NELL1: variants seen among roughly 807,000 people sequenced by gnomAD.
NELL1 encodes the protein neural EGFL like 1.
A neutral mutation model predicts 107.4 loss-of-function variants in NELL1; 76 were observed. The ratio of observed to expected loss-of-function variants is 0.71; its 90% CI spans 0.59 to 0.86. The LOEUF (loss-of-function observed/expected upper bound fraction) is 0.86, where lower values mean the gene tolerates loss of function less well. Ranked by LOEUF, NELL1 falls within the 40% of genes least tolerant of loss-of-function variation. The probability of loss-of-function intolerance (pLI) is 0.00; values close to 1 mark genes in which losing one functional copy is unlikely to be tolerated. For synonymous variants in NELL1, 353 were observed against 341.2 expected (o/e 1.03, Z -0.38); for missense variants, 1,024 against 1,005.5 (o/e 1.02, Z -0.25).
chr11:20,673,124 A>G (rs565877163), intron 1 of NELL1, among the ~76,000 whole-genome samples: 16 of 152,024 alleles, frequency 1.1e-4, no homozygotes, highest in Non-Finnish European at 2.1e-4. Context: ...GGCTTCCCAA[A>G]GTGCTGAGAT....
At chr11:21,474,121 C>T (rs1854259618) in intron 15 of NELL1, among the ~76,000 whole-genome samples, 2 of 151,992 alleles carry the variant, frequency 1.3e-5, no homozygotes, top group Non-Finnish European at 2.9e-5. Context: ...CCTCTGCTTG[C>T]TTTCCTCTTT....
intron 5 of NELL1, among the ~76,000 whole-genome samples, chr11:20,886,103 A>G (rs1267322405): frequency 1.3e-5 from 2 of 152,208 alleles, no homozygotes; most frequent in Admixed American, 6.5e-5. Context: ...GTGGACTACT[A>G]GAGGTGGGAG....
intron 2 of NELL1, among the ~76,000 whole-genome samples, chr11:20,703,285 T>C (rs183549499): frequency 4.1e-4 from 62 of 152,294 alleles, no homozygotes; most frequent in African/African-American, 1.5e-3. Flanking sequence ...AGTTCATTTA[T>C]GTAGAGGTGT....
At chr11:21,489,702 A>T (rs930455438) in intron 15 of NELL1, among the ~76,000 whole-genome samples, 2 of 152,144 alleles carry the variant, frequency 1.3e-5, no homozygotes, top group African/African-American at 4.8e-5. Flanking sequence ...AAACCAAATG[A>T]TCATCTCAAT....
chr11:21,296,335 G>T (rs1338716840), intron 14 of NELL1, among the ~76,000 whole-genome samples: 1 of 151,924 alleles, frequency 6.6e-6, no homozygotes, highest in South Asian at 2.1e-4. Context: ...CAAATAATTA[G>T]TTATTATTCC....
At chr11:21,007,358 C>G (rs1442669490) in intron 12 of NELL1, among the ~76,000 whole-genome samples, 1 of 151,446 alleles carries the variant, frequency 6.6e-6, no homozygotes, top group East Asian at 2.0e-4. Flanking sequence ...GCATTCACAA[C>G]CAATGTGTAT....
intron 2 of NELL1, among the ~76,000 whole-genome samples, chr11:20,741,716 A>G (rs1031030274): frequency 6.6e-6 from 1 of 152,184 alleles, no homozygotes; most frequent in African/African-American, 2.4e-5. Flanking sequence ...TAATTCTACG[A>G]TGGAACACTC....
intron 17 of NELL1, among the ~76,000 whole-genome samples, chr11:21,564,824 T>C (rs2134006483): frequency 6.6e-6 from 1 of 152,040 alleles, no homozygotes; most frequent in Non-Finnish European, 1.5e-5. Context: ...GAAGAAGACC[T>C]TTTTCATGAG....
At chr11:21,389,636 G>C (rs2133780595) in intron 15 of NELL1, among the ~76,000 whole-genome samples, 1 of 151,900 alleles carries the variant, frequency 6.6e-6, no homozygotes, top group African/African-American at 2.4e-5. Flanking sequence ...CTCCAGGTCA[G>C]TTTTCCTGTT....
Position 21,354,891 on chromosome 11 carries a change from G to A in NELL1, c.1550-15962G>A, listed in dbSNP as rs151006137. ...ACTGTGACCTCCAGGGCTAATATAA[G>A]CGTTGGCTCTGATATAGCAGTGTAA... On this transcript the variant is annotated intron_variant, in intron 14 of 19. Coordinates refer to ENST00000357134, the MANE Select transcript of NELL1 (RefSeq NM_006157.5). Among the ~76,000 whole-genome samples, 277 of 152,266 alleles carry A rather than the reference G, an allele frequency of 1.8e-3. 1 individual carries two copies. Among genetic ancestry groups the A allele is most frequent in the African/African-American group, 6.3e-3 (263 of 41,542 alleles).
At position 21,251,153 on chromosome 11, in the gene NELL1, A is replaced by G. The variant is rs531468052; in HGVS notation, c.1549+21699A>G. Among the ~76,000 whole-genome samples the G allele has an allele frequency of 1.6e-4, 24 of 152,292 alleles. 1 individual carries two copies. In the South Asian group the frequency reaches 4.8e-3, roughly 30 times the overall value. On this transcript the variant is annotated intron_variant, in intron 14 of 19. Coordinates refer to ENST00000357134, the MANE Select transcript of NELL1 (RefSeq NM_006157.5). Reference sequence around the variant, plus strand: ...TGAGACTTTAAGCATGAAAGCATCTATAAGAGTTTACCACTTAGATCTGTT... The same window carrying G: ...TGAGACTTTAAGCATGAAAGCATCTGTAAGAGTTTACCACTTAGATCTGTT...
chr11:21,053,934 C>G (rs886066696), intron 12 of NELL1, among the ~76,000 whole-genome samples: 6 of 152,132 alleles, frequency 3.9e-5, no homozygotes, highest in African/African-American at 1.4e-4. Context: ...AGAATAACAA[C>G]AGCAATAAAG....
intron 2 of NELL1, among the ~76,000 whole-genome samples, chr11:20,738,993 C>T (rs968038479): frequency 2.6e-5 from 4 of 152,092 alleles, no homozygotes; most frequent in East Asian, 1.9e-4. Context: ...CTGAGTTGTC[C>T]TATATAATTG....
intron 12 of NELL1, among the ~76,000 whole-genome samples, chr11:20,991,990 G>GTAAAAAAAAAAAAAAAAAA (rs769434874): frequency 1.5e-5 from 1 of 66,232 alleles, no homozygotes. Context: ...AGTGTAGCAT[G>GTAAAAAAAAAAAAAAAAAA]CAAAAAAAAA....
At chr11:20,738,767 C>T (rs74943743) in intron 2 of NELL1, among the ~76,000 whole-genome samples, 6,427 of 152,196 alleles carry the variant, frequency 0.042, 427 homozygotes, top group African/African-American at 0.15. Flanking sequence ...AAGAACTTTT[C>T]CTGCTAGAGG....
intron 15 of NELL1, among the ~76,000 whole-genome samples, chr11:21,409,976 G>T (rs1336371260): frequency 6.6e-6 from 1 of 151,944 alleles, no homozygotes; most frequent in Non-Finnish European, 1.5e-5. Context: ...TTTAATTTAG[G>T]ATATTGTTTC....
chr11:21,046,964 A>G (rs950397627), intron 12 of NELL1, among the ~76,000 whole-genome samples: 1 of 150,382 alleles, frequency 6.6e-6, no homozygotes, highest in Admixed American at 6.7e-5. Context: ...TGATACTCTC[A>G]CCTTGGCCCC....
chr11:20,860,557 A>T (rs1360466243), intron 4 of NELL1, among the ~76,000 whole-genome samples: 1 of 152,176 alleles, frequency 6.6e-6, no homozygotes, highest in Non-Finnish European at 1.5e-5. Context: ...TGAGGTTCAA[A>T]TGAGGGCCTG....
chr11:21,134,183 C>G (rs1056327703), intron 13 of NELL1, among the ~76,000 whole-genome samples: 2 of 152,194 alleles, frequency 1.3e-5, no homozygotes, highest in African/African-American at 4.8e-5. Context: ...TTTAGTGCTT[C>G]TGAAAGTCTA....
Sources: allele counts gnomAD v4.1 joint callset (sites outside exome capture counted in the v4.1 genomes callset), GRCh38; gene constraint gnomAD v4.1.1; transcripts MANE v1.5; gene names NCBI Gene and HGNC (gene_info 2026-07-23, HGNC 2026-07-21).